Variants in CHIC1 observed in about 807,000 individuals in gnomAD.
CHIC1 encodes cysteine-rich hydrophobic domain-containing protein 1.
In CHIC1, 7 loss-of-function variants were observed where a neutral mutation model predicts 18.5. That is an observed-to-expected ratio of 0.38 (90% CI 0.22 to 0.71). The LOEUF (loss-of-function observed/expected upper bound fraction) is 0.71. CHIC1 is among the 30% of genes least tolerant of loss of function. The pLI is 0.49. For missense variants in CHIC1, 159 were observed against 176.9 expected, an observed-to-expected ratio of 0.90 and a Z score of 0.57; for synonymous variants, 77 against 73.5, an observed-to-expected ratio of 1.05 and a Z score of -0.25.
chrX:73,678,396 G>A (rs981278605), intron 3 of CHIC1, among the ~76,000 whole-genome samples: 1 of 112,180 alleles, frequency 8.9e-6, no homozygotes, highest in African/African-American at 3.2e-5. Context: ...AGTGGTGGCA[G>A]CAGGCCCTGG....
intron 3 of CHIC1, among the ~76,000 whole-genome samples, chrX:73,662,336 G>A (rs73229450): frequency 0.04 from 4,296 of 107,975 alleles, 82 homozygotes; most frequent in Middle Eastern, 0.056. Context: ...TTTAGTCCCA[G>A]TAGTGAGCAA....
rs1254098571 is a variant in CHIC1 at position 73,685,852 on chromosome X, C to T, written c.*4847C>T. The T allele has an allele frequency of 9.0e-6, 1 of 111,295 alleles. No homozygotes were observed. The highest frequency in any genetic ancestry group is 1.9e-5 in the Non-Finnish European group (1 of 52,857). 9.2% of individuals were successfully genotyped at this position (111,295 alleles called of 1,213,427 possible). A position where few individuals can be genotyped will look rare whatever the true frequency, so the allele number is the denominator to read the frequency against. On this transcript the variant is annotated 3_prime_UTR_variant, in exon 6 of 6. Transcript: ENST00000373502. ...TGTTATTAATCTCCTATGTGTTAAA[C>T]GTGGGTAATTGTATTATGTTAATAC...
chrX:73,663,760 C>T (rs969248798), intron 3 of CHIC1, among the ~76,000 whole-genome samples: 1 of 111,292 alleles, frequency 9.0e-6, no homozygotes, highest in Admixed American at 9.6e-5. Flanking sequence ...TCCAAAACTT[C>T]CCTTTCCCCT....
intron 3 of CHIC1, among the ~76,000 whole-genome samples, chrX:73,624,722 A>G (rs2057775839): frequency 8.9e-6 from 1 of 112,237 alleles, no homozygotes; most frequent in African/African-American, 3.2e-5. Context: ...CAAGATGAGA[A>G]GGAAACTTCA....
At position 73,605,021 on chromosome X, in the gene CHIC1, G is replaced by T. The variant is rs146419552; in HGVS notation, c.507+20449G>T. ...GTGTAGATGTCTATTAGTTCTGCTT[G>T]ATCTAGAGCTGAGTTCAAGTCTTGA... On this transcript the variant is annotated intron_variant, in intron 3 of 5. Coordinates refer to ENST00000373502, the MANE Select transcript of CHIC1 (RefSeq NM_001039840.4). 6.2e-4 allele frequency among the ~76,000 whole-genome samples: 67 copies of T among 107,681 alleles called. 1 individual carries two copies. In the South Asian group the frequency reaches 0.024, roughly 39 times the overall value. The allele number at this position is 107,681 out of a possible 115,157, so 93.5% of individuals were successfully genotyped here.
At chrX:73,674,516 T>C (rs2058051005) in intron 3 of CHIC1, among the ~76,000 whole-genome samples, 1 of 112,358 alleles carries the variant, frequency 8.9e-6, no homozygotes, top group Non-Finnish European at 1.9e-5. Flanking sequence ...CTAGTTTATT[T>C]GTGTAGAGCT....
At chrX:73,676,511 C>T (rs139240232) in intron 3 of CHIC1, among the ~76,000 whole-genome samples, 78 of 111,861 alleles carry the variant, frequency 7.0e-4, no homozygotes, top group African/African-American at 2.5e-3. Context: ...CCCTTTCTTC[C>T]AGTTGATCTC....
chrX:73,683,948 T>C lies in CHIC1; in HGVS notation c.*2943T>C, dbSNP rs1215025927. On this transcript the variant is annotated 3_prime_UTR_variant, in exon 6 of 6. Coordinates refer to ENST00000373502, the MANE Select transcript of CHIC1 (RefSeq NM_001039840.4). ...TGCTAATTTAGGAAAGAGACCACTG[T>C]AGTAAAACTTTAGAAGAAGATGGAG... The C allele has an allele frequency of 8.9e-6, 1 of 112,091 alleles. No homozygotes were observed. The highest frequency in any genetic ancestry group is 9.5e-5 in the Admixed American group (1 of 10,498). 9.2% of individuals were successfully genotyped at this position (112,091 alleles called of 1,213,427 possible).
intron 3 of CHIC1, among the ~76,000 whole-genome samples, chrX:73,668,176 T>C (rs192076179): frequency 3.6e-5 from 4 of 112,326 alleles, no homozygotes; most frequent in African/African-American, 9.7e-5. Context: ...TGTGATTCTG[T>C]TGTGAAGTTC....
At chrX:73,625,317 A>C (rs985392579) in intron 3 of CHIC1, among the ~76,000 whole-genome samples, 1 of 111,669 alleles carries the variant, frequency 9.0e-6, no homozygotes, top group Admixed American at 9.5e-5. Flanking sequence ...AAAGTGGATT[A>C]AAATAGTTTC....
intron 1 of CHIC1, among the ~76,000 whole-genome samples, chrX:73,570,506 G>A (rs193260950): frequency 1.9e-3 from 212 of 111,286 alleles, no homozygotes; most frequent in African/African-American, 6.6e-3. Context: ...TAAAGGAAGA[G>A]AGTAATGTGC....
chrX:73,584,422 C>G lies in CHIC1; in HGVS notation c.357C>G (p.Ala119=). Residue 119 remains alanine (A), a synonymous_variant, in exon 3 of 6, where the codon GCC becomes GCG. Transcript: ENST00000373502. ...AAGATTGTACCCTCTTGTAGGTGGC[C>G]CCAGAAGAATTTAAAACCAGCATTG... ...EFPSVLTGKV[A]PEEFKTSIGR... 8.4e-7 allele frequency: 1 copy of G among 1,185,604 alleles called. No individual in the cohort carries two copies. The highest frequency in any genetic ancestry group is 1.1e-6 in the Non-Finnish European group (1 of 881,509).
At position 73,682,935 on chromosome X, in the gene CHIC1, C is replaced by T. The variant is rs1413896262; in HGVS notation, c.*1930C>T. On this transcript the variant is annotated 3_prime_UTR_variant, in exon 6 of 6. Transcript: ENST00000373502. ...AACTGTGATATTTTAATACCAAAAT[C>T]GATTTTCAGCATAATACAAAATATC... The T allele has an allele frequency of 2.7e-5, 3 of 111,335 alleles. No individual in the cohort carries two copies. The highest frequency in any genetic ancestry group is 5.7e-5 in the Non-Finnish European group (3 of 52,752). The allele number at this position is 111,335 out of a possible 1,213,427, so 9.2% of individuals were successfully genotyped here.
rs757047310 is a variant in CHIC1 at position 73,670,301 on chromosome X, C to G, written c.508-9025C>G. ...GGTTGAAGGTGCTATATTCACTCAC[C>G]CCTTTCATTCCTCTCCTTGAGAGTG... On this transcript the variant is annotated intron_variant, in intron 3 of 5. Transcript: ENST00000373502. Among the ~76,000 whole-genome samples, 3 of 111,686 alleles carry G rather than the reference C, an allele frequency of 2.7e-5. No individual in the cohort carries two copies. In the South Asian group the frequency reaches 1.2e-3, roughly 43 times the overall value.
chrX:73,621,615 T>C (rs2057760761), intron 3 of CHIC1, among the ~76,000 whole-genome samples: 1 of 112,221 alleles, frequency 8.9e-6, no homozygotes, highest in African/African-American at 3.2e-5. Context: ...ATGGGGTTTC[T>C]AAATATACAA....
At chrX:73,580,352 A>C (rs1881500086) in intron 2 of CHIC1, among the ~76,000 whole-genome samples, 1 of 110,906 alleles carries the variant, frequency 9.0e-6, no homozygotes, top group East Asian at 2.8e-4. Flanking sequence ...TAATGACTTG[A>C]GTATTTAAGT....
intron 3 of CHIC1, among the ~76,000 whole-genome samples, chrX:73,619,199 T>C (rs1345238531): frequency 9.0e-6 from 1 of 111,300 alleles, no homozygotes; most frequent in Non-Finnish European, 1.9e-5. Context: ...TCAAAGGGTC[T>C]ATGGATTCTC....
At chrX:73,634,238 C>T (rs1243364691) in intron 3 of CHIC1, among the ~76,000 whole-genome samples, 1 of 112,062 alleles carries the variant, frequency 8.9e-6, no homozygotes, top group Admixed American at 9.4e-5. Flanking sequence ...TCTCTCAGAA[C>T]TTTTCTGTGA....
At chrX:73,594,853 A>G (rs1367250749) in intron 3 of CHIC1, among the ~76,000 whole-genome samples, 1 of 112,134 alleles carries the variant, frequency 8.9e-6, no homozygotes. Context: ...AAATAATGCC[A>G]TATTTTTTCT....
Sources: allele counts gnomAD v4.1 joint callset (sites outside exome capture counted in the v4.1 genomes callset), GRCh38; gene constraint gnomAD v4.1.1; transcripts MANE v1.5; gene names NCBI Gene and HGNC (gene_info 2026-07-23, HGNC 2026-07-21).